The following LUC7L3 variants were observed in gnomAD, a reference collection of about 807,000 sequenced individuals.
The protein encoded by LUC7L3 is luc7-like protein 3.
LUC7L3 carries 6 observed loss-of-function variants against 66.8 expected under a neutral mutation model. The observed-to-expected ratio is 0.09, with a 90% CI of 0.05 to 0.18. The LOEUF (loss-of-function observed/expected upper bound fraction) is 0.18. Among genes scored for constraint, LUC7L3 ranks in the 10% least tolerant of loss-of-function variants. The pLI is 1.00. For missense variants in LUC7L3, 341 were observed against 531.1 expected (o/e 0.64, Z 3.52); for synonymous variants, 160 against 174.7 (o/e 0.92, Z 0.66).
intron 1 of LUC7L3, among the ~76,000 whole-genome samples, chr17:50,728,030 A>ATGGC (rs1264607611): frequency 3.3e-5 from 5 of 151,900 alleles, no homozygotes; most frequent in East Asian, 3.9e-4. Context: ...AGACGGGAGA[A>ATGGC]TGGCGTGAAC....
chr17:50,748,687 A>AT (rs913320632), intron 9 of LUC7L3, among the ~76,000 whole-genome samples: 1 of 151,954 alleles, frequency 6.6e-6, no homozygotes, highest in Non-Finnish European at 1.5e-5. Flanking sequence ...ACAGACAGGG[A>AT]TTTTCCATGT....
At chr17:50,749,478 AT>A in intron 9 of LUC7L3, 1 of 763,194 alleles carries the variant, frequency 1.3e-6, no homozygotes, top group Non-Finnish European at 1.8e-6. Flanking sequence ...GCTCTTTTAC[AT>A]AAGATCTTCA....
In LUC7L3 at chr17:50,719,822, C is replaced by T; in HGVS notation, c.90C>T (p.Asp30=). ...AGAAGCGCAGCAACGTGCGGTGGGA[C>T]CACGAGAGCGTAAGTCCCGCGGGCC... ...PDEKRSNVRW[D]HESVCKYYLC... Residue 30 remains aspartate (D), a synonymous_variant, in exon 1 of 10, where the codon GAC becomes GAT. Transcript: ENST00000505658. The T allele has an allele frequency of 6.2e-7, 1 of 1,603,712 alleles. No homozygotes were observed. Among genetic ancestry groups the T allele is most frequent in the Non-Finnish European group, 8.5e-7 (1 of 1,177,046 alleles).
chr17:50,751,859 T>A lies in LUC7L3; in HGVS notation c.*1198T>A, dbSNP rs1013822613. 1 of 1,014,984 alleles carries A rather than the reference T, an allele frequency of 9.9e-7. No homozygotes were observed. The highest frequency in any genetic ancestry group is 1.0e-4 in the East Asian group (1 of 9,832). 62.9% of individuals were successfully genotyped at this position (1,014,984 alleles called of 1,614,324 possible). A position where few individuals can be genotyped will look rare whatever the true frequency, so the allele number is the denominator to read the frequency against. ...TAAAGAAATATTAAAAGTTAGGTAC[T>A]GTAAGTGTTCTTAAAACCTGTAAAC... On this transcript the variant is annotated 3_prime_UTR_variant, in exon 10 of 10. Coordinates refer to ENST00000505658, the MANE Select transcript of LUC7L3 (RefSeq NM_016424.5).
intron 9 of LUC7L3, among the ~76,000 whole-genome samples, chr17:50,748,655 C>T (rs1346042814): frequency 1.7e-4 from 26 of 151,924 alleles, no homozygotes; most frequent in Admixed American, 1.7e-3. Context: ...GCGGAATAAG[C>T]TGAGTTACGT....
At position 50,746,636 on chromosome 17, in the gene LUC7L3, C is replaced by G. The variant is rs934713490; in HGVS notation, c.1072C>G (p.Arg358Gly). The change falls in exon 9 of 10, where the codon CGA becomes GGA. Residue 358 changes from arginine to glycine, a missense_variant. Physicochemically the swap from Arg to Gly is moderately radical, Grantham distance 125. Transcript: ENST00000505658. ...TCGAAGAAGATCAAAAAGCCGGGAT[C>G]GAAAGTCATATAAGCACAGGAGCAA... ...RDRRRSKSRD[R>G]KSYKHRSKSR... The G allele has an allele frequency of 5.4e-5, 87 of 1,613,734 alleles. No individual in the cohort carries two copies. Among genetic ancestry groups the G allele is most frequent in the Non-Finnish European group, 7.0e-5 (83 of 1,179,906 alleles).
At chr17:50,733,342 C>G (rs925272444) in intron 1 of LUC7L3, among the ~76,000 whole-genome samples, 23 of 151,356 alleles carry the variant, frequency 1.5e-4, no homozygotes, top group Admixed American at 1.5e-3. Context: ...CATCATTCTC[C>G]TGCCTCAGCC....
In LUC7L3 at chr17:50,754,684, C is replaced by T. The variant is rs1214732157; in HGVS notation, c.*4023C>T. 1 of 152,028 alleles carries T rather than the reference C, an allele frequency of 6.6e-6. No homozygotes were observed. The highest frequency in any genetic ancestry group is 6.6e-5 in the Admixed American group (1 of 15,246). The allele number at this position is 152,028 out of a possible 1,614,324, so 9.4% of individuals were successfully genotyped here. A position where few individuals can be genotyped will look rare whatever the true frequency, so the allele number is the denominator to read the frequency against. ...CTTCAAACACAGTCCATTCATTTTT[C>T]AGTTTGGGTTGAAACATCCTTTTCT... On this transcript the variant is annotated 3_prime_UTR_variant, in exon 10 of 10. Transcript: ENST00000505658.
intron 1 of LUC7L3, among the ~76,000 whole-genome samples, chr17:50,720,869 C>CT (rs2094866336): frequency 1.3e-5 from 2 of 152,258 alleles, no homozygotes; most frequent in Non-Finnish European, 1.5e-5. Context: ...CCTTTTAGGA[C>CT]TTTAAGAAAG....
At chr17:50,719,877 G>A (rs778461001) in intron 1 of LUC7L3, 46 bp downstream of exon 1, 1 of 1,548,852 alleles carries the variant, frequency 6.5e-7, no homozygotes, top group Non-Finnish European at 8.8e-7. Flanking sequence ...CGTGGGGGAG[G>A]GGAGCGGGCG....
chr17:50,735,499 CTTTTTCTTTTT>C (rs1226004417), intron 1 of LUC7L3, among the ~76,000 whole-genome samples: 1 of 147,464 alleles, frequency 6.8e-6, no homozygotes, highest in Non-Finnish European at 1.5e-5. Context: ...CCTTTCCTTT[CTTTTTCTTTTT>C]CTTTTTTTCA....
intron 1 of LUC7L3, among the ~76,000 whole-genome samples, chr17:50,733,250 T>TG (rs886124502): frequency 2.1e-4 from 32 of 150,048 alleles, no homozygotes; most frequent in Non-Finnish European, 3.7e-4. Flanking sequence ...AAAACTTTGT[T>TG]TTTTTTTTTT....
At chr17:50,730,513 CAAAAAAAAAAAAA>C (rs3063109) in intron 1 of LUC7L3, among the ~76,000 whole-genome samples, 2 of 59,066 alleles carry the variant, frequency 3.4e-5, no homozygotes, top group African/African-American at 7.6e-5. Flanking sequence ...ACTCTGTCTC[CAAAAAAAAAAAAA>C]AAAAAAAAAA....
rs1203692218 is a variant in LUC7L3, at chr17:50,741,188, G to A, written c.293G>A (p.Arg98His). 9 of 1,614,088 alleles carry A rather than the reference G, an allele frequency of 5.6e-6. No homozygotes were observed. Among genetic ancestry groups the A allele is most frequent in the Non-Finnish European group, 6.8e-6 (8 of 1,180,032 alleles). The change falls in exon 4 of 10, where the codon CGT becomes CAT. Residue 98 changes from arginine to histidine, a missense_variant. Physicochemically the swap from Arg to His is conservative, Grantham distance 29. Coordinates refer to ENST00000505658, the MANE Select transcript of LUC7L3 (RefSeq NM_016424.5). ...CAGAGCTTACTTGCAGAAGTAGAAC[G>A]TAGGATCAGACGAGGCCATGCTCGT... Reference protein sequence around the residue: ...YLQSLLAEVERRIRRGHARLA... With the variant: ...YLQSLLAEVEHRIRRGHARLA...
intron 1 of LUC7L3, among the ~76,000 whole-genome samples, chr17:50,735,165 G>GGTT (rs1257449732): frequency 1.3e-5 from 2 of 151,700 alleles, no homozygotes; most frequent in African/African-American, 2.4e-5. Flanking sequence ...AGGAGGGAGA[G>GGTT]GTTGCGGTGA....
Position 50,752,001 on chromosome 17 carries a change from T to G in LUC7L3, c.*1340T>G. 4.6e-6 allele frequency: 5 copies of G among 1,085,056 alleles called. No individual in the cohort carries two copies. The highest frequency in any genetic ancestry group is 5.6e-6 in the Non-Finnish European group (5 of 887,178). 67.2% of individuals were successfully genotyped at this position (1,085,056 alleles called of 1,614,324 possible). A position where few individuals can be genotyped will look rare whatever the true frequency, so the allele number is the denominator to read the frequency against. On this transcript the variant is annotated 3_prime_UTR_variant, in exon 10 of 10. Transcript: ENST00000505658. ...AAAGCAATGTAAGGTTATGTCTGTG[T>G]ATGTCATTCACACTTAGGCAAGCAT...
In LUC7L3 at chr17:50,741,118, C is replaced by T. The variant is rs766884985; in HGVS notation, c.223C>T (p.Arg75Cys). 4.3e-6 allele frequency: 7 copies of T among 1,614,068 alleles called. No homozygotes were observed. The highest frequency in any genetic ancestry group is 2.2e-5 in the East Asian group (1 of 44,884). ...TGTTACCAGGTATGAGAAGAGCTCTCGTTTCATGAAAGTTGGCTATGAGAG... is the reference window on the plus strand; with the variant it reads ...TGTTACCAGGTATGAGAAGAGCTCTTGTTTCATGAAAGTTGGCTATGAGAG... ...NLRKQYEKSSRFMKVGYERDF... is the reference protein window; with the variant it reads ...NLRKQYEKSSCFMKVGYERDF... Residue 75 changes from arginine (R) to cysteine (C), a missense_variant, in exon 4 of 10, where the codon CGT becomes TGT. Around this residue, in one of 6 missense-constraint regions of LUC7L3, gnomAD observed 86 missense variants for 172.0 expected, o/e 0.50. Transcript: ENST00000505658.
intron 2 of LUC7L3, chr17:50,737,613 G>A (rs1184280082): frequency 4.5e-6 from 1 of 219,944 alleles, no homozygotes; most frequent in African/African-American, 2.3e-5. Context: ...CATGCATTGT[G>A]GGATGTTTAG....
Position 50,745,827 on chromosome 17 carries a change from A to G in LUC7L3, c.801A>G (p.Glu267=). The change falls in exon 8 of 10, where the codon GAA becomes GAG. Residue 267 remains glutamate, a synonymous_variant. Coordinates refer to ENST00000505658, the MANE Select transcript of LUC7L3 (RefSeq NM_016424.5). Reference sequence around the variant, plus strand: ...AAGAACGGGAGAGAGAAAGGGAAGAAAGAGAAAGGAAAAGACGAAGGGAAG... The same window carrying G: ...AAGAACGGGAGAGAGAAAGGGAAGAGAGAGAAAGGAAAAGACGAAGGGAAG... ...REKERERERE[E]RERKRRREEE... The G allele has an allele frequency of 1.9e-6, 3 of 1,587,876 alleles. No homozygotes were observed. The highest frequency in any genetic ancestry group is 1.7e-5 in the Admixed American group (1 of 57,952).
Sources: allele counts gnomAD v4.1 joint callset (sites outside exome capture counted in the v4.1 genomes callset), GRCh38; gene constraint gnomAD v4.1.1; regional missense constraint gnomAD v4.1.1; transcripts MANE v1.5; gene names NCBI Gene and HGNC (gene_info 2026-07-23, HGNC 2026-07-21).